SIN3A: variants seen among roughly 807,000 people sequenced by gnomAD.
SIN3A encodes the protein paired amphipathic helix protein Sin3a.
Under a neutral mutation model 146.1 loss-of-function variants are expected in SIN3A, and 14 were observed. The observed-to-expected ratio is 0.10, with a 90% CI of 0.06 to 0.15. The LOEUF (loss-of-function observed/expected upper bound fraction) is 0.15. Among genes scored for constraint, SIN3A ranks in the 10% least tolerant of loss-of-function variants. The pLI is 1.00. For synonymous variants in SIN3A, 572 were observed against 572.0 expected, an observed-to-expected ratio of 1.00 and a Z score of 0.00; for missense variants, 1,028 against 1,576.0, an observed-to-expected ratio of 0.65 and a Z score of 5.89.
intron 9 of SIN3A, among the ~76,000 whole-genome samples, chr15:75,404,387 T>C (rs559550389): frequency 2.0e-5 from 3 of 152,356 alleles, no homozygotes; most frequent in Middle Eastern, 3.4e-3. Flanking sequence ...TACTTACTTC[T>C]CCTACCACTG....
At chr15:75,430,493 G>C in intron 1 of SIN3A, 85 bp from the exon 2 acceptor site, 1 of 1,041,880 alleles carries the variant, frequency 9.6e-7, no homozygotes, top group Non-Finnish European at 1.3e-6. Context: ...CCCAAGTTTA[G>C]TAAAAGCTTG....
intron 10 of SIN3A, among the ~76,000 whole-genome samples, chr15:75,401,205 T>C (rs765484877): frequency 1.3e-5 from 2 of 152,192 alleles, no homozygotes; most frequent in Non-Finnish European, 2.9e-5. Flanking sequence ...TGCTTTAATG[T>C]TCACATAATT....
upstream of SIN3A, among the ~76,000 whole-genome samples, chr15:75,454,545 T>C (rs2074460042): frequency 6.6e-6 from 1 of 150,562 alleles, no homozygotes; most frequent in African/African-American, 2.4e-5. Flanking sequence ...CCATCCCGGC[T>C]GACAGGCGCG....
At chr15:75,380,771 G>T in intron 18 of SIN3A, 48 bp from the exon 19 acceptor site, 2 of 1,292,166 alleles carry the variant, frequency 1.5e-6, no homozygotes, top group Non-Finnish European at 1.1e-6. Flanking sequence ...CACAAAAACA[G>T]CTCCTAATGC....
chr15:75,430,220 C>T lies in SIN3A; in HGVS notation c.156G>A (p.Thr52=), dbSNP rs373066941. 2.8e-5 allele frequency: 45 copies of T among 1,614,018 alleles called. No homozygotes were observed. Among genetic ancestry groups the T allele is most frequent in the Non-Finnish European group, 3.6e-5 (42 of 1,180,022 alleles). The part of the protein sequence containing the change: ...EAVSETMQSA[T]GIQYSVTPSY... ...TGGGTGTTACAGAGTACTGAATTCC[C>T]GTAGCTGACTGCATGGTCTCAGACA... Residue 52 remains threonine, a synonymous_variant, in exon 2 of 21, where the codon ACG becomes ACA. Coordinates refer to ENST00000394947, the MANE Select transcript of SIN3A (RefSeq NM_001145358.2).
chr15:75,403,240 TA>T (rs928851741), intron 9 of SIN3A, among the ~76,000 whole-genome samples: 1 of 151,566 alleles, frequency 6.6e-6, no homozygotes, highest in African/African-American at 2.4e-5. Flanking sequence ...CTGGCCAACA[TA>T]GTGAAACCCC....
chr15:75,418,903 C>T (rs1039963723), intron 3 of SIN3A, among the ~76,000 whole-genome samples: 6 of 152,128 alleles, frequency 3.9e-5, no homozygotes, highest in East Asian at 1.9e-4. Flanking sequence ...TACAGGCGCC[C>T]GCCACCACGG....
chr15:75,454,299 G>A (rs949333478), upstream of SIN3A, among the ~76,000 whole-genome samples: 8 of 152,222 alleles, frequency 5.3e-5, no homozygotes, highest in African/African-American at 1.9e-4. Flanking sequence ...GAGAAGGCGG[G>A]GCCTCCGGGA....
chr15:75,382,053 T>C (rs1247971762), intron 17 of SIN3A, among the ~76,000 whole-genome samples: 3 of 152,246 alleles, frequency 2.0e-5, no homozygotes, highest in South Asian at 2.1e-4. Flanking sequence ...GCTCTGTCCA[T>C]TGGTAATCCC....
chr15:75,391,804 C>T (rs1268184202), intron 15 of SIN3A, among the ~76,000 whole-genome samples: 2 of 152,130 alleles, frequency 1.3e-5, no homozygotes, highest in Admixed American at 6.5e-5. Context: ...TAAGAATGAG[C>T]CATAAACCCC....
At chr15:75,455,233 G>A (rs1396837462), upstream of SIN3A, among the ~76,000 whole-genome samples, 1 of 152,088 alleles carries the variant, frequency 6.6e-6, no homozygotes, top group Non-Finnish European at 1.5e-5. Flanking sequence ...CGCGGGCCCC[G>A]GCTCGCTCGC....
At position 75,375,843 on chromosome 15, in the gene SIN3A, C is replaced by T. The variant is rs147800016; in HGVS notation, c.3413G>A (p.Arg1138His). Residue 1138 changes from arginine (R) to histidine (H), a missense_variant, in exon 20 of 21, where the codon CGT (arginine) becomes CAT (histidine). By Grantham distance (29) the Arg-to-His change is conservative. Coordinates refer to ENST00000394947, the MANE Select transcript of SIN3A (RefSeq NM_001145358.2). ...RNLRRIRKCQ[R>H]GREQQEKEGK... ...TTCCTTTTCCTGCTGCTCTCGACCA[C>T]GTTGACACTTCCGGATCCGCCGTAG... 8 of 1,614,022 alleles carry T rather than the reference C, an allele frequency of 5.0e-6. No homozygotes were observed. The highest frequency in any genetic ancestry group is 1.3e-5 in the African/African-American group (1 of 74,914).
In SIN3A at chr15:75,375,565, G is replaced by T. The variant is rs1308543594; in HGVS notation, c.3591+100C>A. On this transcript the variant is annotated intron_variant, in intron 20 of 20. Transcript: ENST00000394947. ...AGTTAAGTCTCAGCTCCAAGAACAG[G>T]TTTGCATAAACAAAGAAAAACAATC... The T allele has an allele frequency of 4.4e-6, 4 of 905,354 alleles. No homozygotes were observed. The South Asian group carries it at 5.9e-5, about 13-fold the overall frequency. The allele number at this position is 905,354 out of a possible 1,614,324, so 56.1% of individuals were successfully genotyped here.
rs565974844 is a variant in SIN3A at position 75,369,526 on chromosome 15, G to A, written c.*2453C>T. 1 of 152,358 alleles carries A rather than the reference G, an allele frequency of 6.6e-6. No individual in the cohort carries two copies. Among genetic ancestry groups the A allele is most frequent in the South Asian group, 2.1e-4 (1 of 4,832 alleles). The allele number at this position is 152,358 out of a possible 1,614,324, so 9.4% of individuals were successfully genotyped here. ...GCATATAATACAGGTTGGGTTTAGA[G>A]CTTGGAGCTCAGATGTCAGACAGCA... On this transcript the variant is annotated 3_prime_UTR_variant, in exon 21 of 21. Coordinates refer to ENST00000394947, the MANE Select transcript of SIN3A (RefSeq NM_001145358.2).
intron 2 of SIN3A, among the ~76,000 whole-genome samples, chr15:75,427,972 AAAAT>A (rs544412385): frequency 3.3e-5 from 5 of 151,808 alleles, no homozygotes; most frequent in Admixed American, 1.3e-4. Context: ...ACTCCATCTC[AAAAT>A]AAATAAATAA....
intron 1 of SIN3A, among the ~76,000 whole-genome samples, chr15:75,439,507 AT>A (rs555711749): frequency 5.4e-5 from 8 of 148,470 alleles, no homozygotes; most frequent in Non-Finnish European, 1.0e-4. Context: ...CGCCTGGCTA[AT>A]TTTTTTTTTG....
At chr15:75,448,464 A>AGCCT (rs2141639189) in intron 1 of SIN3A, among the ~76,000 whole-genome samples, 1 of 151,498 alleles carries the variant, frequency 6.6e-6, no homozygotes, top group South Asian at 2.1e-4. Flanking sequence ...ACTGCACTCC[A>AGCCT]GCCTGGGAGA....
chr15:75,389,623 A>G (rs936559844), intron 16 of SIN3A, 29 bp downstream of exon 16: 1 of 1,608,928 alleles, frequency 6.2e-7, no homozygotes, highest in African/African-American at 1.3e-5. Flanking sequence ...TTCTTCCCTT[A>G]CTCACCCTAG....
At chr15:75,393,730 C>G (rs2073251930) in intron 14 of SIN3A, among the ~76,000 whole-genome samples, 1 of 151,876 alleles carries the variant, frequency 6.6e-6, no homozygotes, top group African/African-American at 2.4e-5. Flanking sequence ...GATATGAGAT[C>G]TGTGATTTAC....
Sources: allele counts gnomAD v4.1 joint callset (sites outside exome capture counted in the v4.1 genomes callset), GRCh38; gene constraint gnomAD v4.1.1; transcripts MANE v1.5; gene names NCBI Gene and HGNC (gene_info 2026-07-23, HGNC 2026-07-21).